PTPRB: variants seen among roughly 807,000 people sequenced by gnomAD.
PTPRB encodes the protein protein tyrosine phosphatase receptor type B.
Under a neutral mutation model 238.1 loss-of-function variants are expected in PTPRB, and 97 were observed. The ratio of observed to expected loss-of-function variants is 0.41; its 90% CI spans 0.35 to 0.48. PTPRB has a LOEUF of 0.48. Among genes scored for constraint, PTPRB ranks in the 20% least tolerant of loss-of-function variants. The pLI is 0.30. For missense variants in PTPRB, 2,292 were observed against 2,681.9 expected, an observed-to-expected ratio of 0.85 and a Z score of 3.21; for synonymous variants, 970 against 995.4, an observed-to-expected ratio of 0.97 and a Z score of 0.48.
At chr12:70,569,569 G>T in intron 14 of PTPRB, 106 bp downstream of exon 14, 3 of 1,340,442 alleles carry the variant, frequency 2.2e-6, no homozygotes, top group Non-Finnish European at 3.1e-6. Context: ...TACAAACTTT[G>T]GTGGTTTTAA....
chr12:70,521,842 G>C (rs1228050316), intron 33 of PTPRB, among the ~76,000 whole-genome samples: 1 of 152,114 alleles, frequency 6.6e-6, no homozygotes, highest in Non-Finnish European at 1.5e-5. Flanking sequence ...CAGCTACGTG[G>C]TGGTTATCCT....
Position 70,581,072 on chromosome 12 carries a change from T to C in PTPRB, c.2542A>G (p.Ile848Val). The C allele has an allele frequency of 6.2e-7, 1 of 1,614,006 alleles. No homozygotes were observed. Among genetic ancestry groups the C allele is most frequent in the Non-Finnish European group, 8.5e-7 (1 of 1,179,914 alleles). Residue 848 changes from isoleucine (I) to valine (V), a missense_variant, in exon 10 of 34, where the codon ATC becomes GTC. Ile to Val is a conservative substitution (Grantham distance 29, BLOSUM62 3). Around this residue, in one of 4 missense-constraint regions of PTPRB, gnomAD observed 1,205 missense variants for 1,287.8 expected, o/e 0.94. Transcript: ENST00000334414. ...SVVVTTVSGG[I>V]SSRQVVVEGR... ...TCCACAACCACTTGTCGGGAAGAGA[T>C]CCCTCCACTCACTGTTGTTACCACC...
In PTPRB at chr12:70,524,338, C is replaced by CTCTT. The variant is rs1872025114; in HGVS notation, c.6625+129_6625+132dup. On this transcript the variant is annotated intron_variant, in intron 33 of 33. Transcript: ENST00000334414. ...CTATGTTGCCCAGGCTGGTTTCAAACTCTTAGGCTCAAGTGATCCTCCTGC... is the reference window on the plus strand; with the variant it reads ...CTATGTTGCCCAGGCTGGTTTCAAACTCTTTCTTAGGCTCAAGTGATCCTCCTGC... The CTCTT allele has an allele frequency of 3.0e-6, 3 of 988,252 alleles. No homozygotes were observed. In the East Asian group the frequency reaches 9.0e-5, roughly 30 times the overall value. The allele number at this position is 988,252 out of a possible 1,614,324, so 61.2% of individuals were successfully genotyped here. A position where few individuals can be genotyped will look rare whatever the true frequency, so the allele number is the denominator to read the frequency against.
In PTPRB at chr12:70,541,101, T is replaced by C. The variant is rs911896130; in HGVS notation, c.5495-144A>G. On this transcript the variant is annotated intron_variant, in intron 22 of 33. Coordinates refer to ENST00000334414, the MANE Select transcript of PTPRB (RefSeq NM_001109754.4). ...GATGCCCACGATGAGGCATTTACTT[T>C]CCAAAGGCTCTGAGTATGCACCTAA... 56 of 685,608 alleles carry C rather than the reference T, an allele frequency of 8.2e-5. No homozygotes were observed. In the East Asian group the frequency reaches 1.4e-3, roughly 17 times the overall value. 42.5% of individuals were successfully genotyped at this position (685,608 alleles called of 1,614,324 possible). A position where few individuals can be genotyped will look rare whatever the true frequency, so the allele number is the denominator to read the frequency against.
At chr12:70,611,351 C>T (rs1429397316) in intron 3 of PTPRB, among the ~76,000 whole-genome samples, 2 of 152,134 alleles carry the variant, frequency 1.3e-5, no homozygotes, top group African/African-American at 2.4e-5. Flanking sequence ...TACAGTGGTG[C>T]GATTTCAGCT....
At chr12:70,550,051 G>T (rs1002677563) in intron 21 of PTPRB, among the ~76,000 whole-genome samples, 2 of 152,194 alleles carry the variant, frequency 1.3e-5, no homozygotes, top group Non-Finnish European at 1.5e-5. Flanking sequence ...AGTAAAGAGG[G>T]CAGGTAATTC....
rs1871446757 is a variant in PTPRB, at chr12:70,519,456, T to A, written c.*2033A>T. The A allele has an allele frequency of 6.6e-6, 1 of 152,192 alleles. No homozygotes were observed. Among genetic ancestry groups the A allele is most frequent in the Non-Finnish European group, 1.5e-5 (1 of 68,044 alleles). The allele number at this position is 152,192 out of a possible 1,614,324, so 9.4% of individuals were successfully genotyped here. ...ACAACAATCCTAACTTTATGAGGAT[T>A]CTCTTTATGTGAGTAGAAATGTGTA... is the stretch of plus-strand genomic sequence containing the variant. On this transcript the variant is annotated 3_prime_UTR_variant, in exon 34 of 34. Coordinates refer to ENST00000334414, the MANE Select transcript of PTPRB (RefSeq NM_001109754.4).
rs1882603039 is a variant in PTPRB, at chr12:70,592,615, C to T, written c.1517-70G>A. 2.0e-6 allele frequency: 3 copies of T among 1,501,440 alleles called. No individual in the cohort carries two copies. In the Admixed American group the frequency reaches 6.3e-5, roughly 31 times the overall value. 93.0% of individuals were successfully genotyped at this position (1,501,440 alleles called of 1,614,324 possible). On this transcript the variant is annotated intron_variant, in intron 6 of 33. Coordinates refer to ENST00000334414, the MANE Select transcript of PTPRB (RefSeq NM_001109754.4). ...CACAAGTCCTATGGCCAAATTTTGA[C>T]CTGTAATTTTATTTCTGCAAGCCAC...
In PTPRB at chr12:70,516,526, C is replaced by T. The variant is rs1227381995; in HGVS notation, c.*4963G>A. ...TACTAACCTGCAGATGGAATGCTGT[C>T]CAACTCTGCCACAAACTCTTAAAGC... On this transcript the variant is annotated 3_prime_UTR_variant, in exon 34 of 34. Transcript: ENST00000334414. 1 of 152,200 alleles carries T rather than the reference C, an allele frequency of 6.6e-6. No individual in the cohort carries two copies. The highest frequency in any genetic ancestry group is 1.5e-5 in the Non-Finnish European group (1 of 68,032). 9.4% of individuals were successfully genotyped at this position (152,200 alleles called of 1,614,324 possible).
chr12:70,557,489 G>A (rs1877872993), intron 18 of PTPRB, among the ~76,000 whole-genome samples: 1 of 152,120 alleles, frequency 6.6e-6, no homozygotes, highest in South Asian at 2.1e-4. Context: ...GTCCTCTTGG[G>A]CACTCCCCCT....
Position 70,570,830 on chromosome 12 carries a change from G to A in PTPRB, c.3370+196C>T, listed in dbSNP as rs1437201077. ...TTCTCTGAAAGCACCCTCCAACCCC[G>A]CCACTCTCTGCTGACATCATACTTT... On this transcript the variant is annotated intron_variant, in intron 13 of 33. Coordinates refer to ENST00000334414, the MANE Select transcript of PTPRB (RefSeq NM_001109754.4). The A allele has an allele frequency of 7.0e-5, 46 of 656,466 alleles. No individual in the cohort carries two copies. The East Asian group carries it at 1.2e-3, about 18-fold the overall frequency. The allele number at this position is 656,466 out of a possible 1,614,324, so 40.7% of individuals were successfully genotyped here. A position where few individuals can be genotyped will look rare whatever the true frequency, so the allele number is the denominator to read the frequency against.
At chr12:70,628,835 G>T (rs2136600417) in intron 2 of PTPRB, among the ~76,000 whole-genome samples, 1 of 152,154 alleles carries the variant, frequency 6.6e-6, no homozygotes, top group East Asian at 1.9e-4. Flanking sequence ...AGAGTGCTGG[G>T]GTTATAGGCA....
In PTPRB at chr12:70,524,552, G is replaced by A. The variant is rs1872063689; in HGVS notation, c.6544C>T (p.Leu2182Phe). 6.2e-7 allele frequency: 1 copy of A among 1,612,716 alleles called. No individual in the cohort carries two copies. Among genetic ancestry groups the A allele is most frequent in the African/African-American group, 1.3e-5 (1 of 74,872 alleles). ...TCACTCCGTAGCTTTCTTGCTCTGA[G>A]GACATCTCTTACACACTGATGTAGG... ...VYLHQCVRDV[L>F]RARKLRSEQE... The change falls in exon 33 of 34, where the codon CTC becomes TTC. Residue 2182 changes from leucine to phenylalanine, a missense_variant. Physicochemically the swap from Leu to Phe is conservative, Grantham distance 22 (BLOSUM62 0). Around this residue, in one of 4 missense-constraint regions of PTPRB, gnomAD observed 397 missense variants for 502.0 expected, o/e 0.79. Coordinates refer to ENST00000334414, the MANE Select transcript of PTPRB (RefSeq NM_001109754.4).
Position 70,538,226 on chromosome 12 carries a change from C to A in PTPRB, c.5875G>T (p.Ala1959Ser). Residue 1959 changes from alanine to serine, a missense_variant, in exon 28 of 34, where the codon GCC (alanine) becomes TCC (serine). Around this residue, in one of 4 missense-constraint regions of PTPRB, gnomAD observed 397 missense variants for 502.0 expected, o/e 0.79. Coordinates refer to ENST00000334414, the MANE Select transcript of PTPRB (RefSeq NM_001109754.4). ...NRYNNILPYDATRVKLSNVDD... is the reference protein window; with the variant it reads ...NRYNNILPYDSTRVKLSNVDD... ...ACATTGGAGAGCTTCACTCGCGTGG[C>A]ATCATCTGGAAGGAGAGATTTGCTG... The A allele has an allele frequency of 4.3e-6, 7 of 1,613,160 alleles. No individual in the cohort carries two copies. Among genetic ancestry groups the A allele is most frequent in the Non-Finnish European group, 5.9e-6 (7 of 1,179,530 alleles).
intron 11 of PTPRB, 29 bp downstream of exon 11, chr12:70,576,353 C>G (rs778935770): frequency 1.2e-6 from 2 of 1,602,602 alleles, no homozygotes; most frequent in South Asian, 1.1e-5. Flanking sequence ...TTGGTTCTTA[C>G]GGAGCCCTGA....
intron 21 of PTPRB, among the ~76,000 whole-genome samples, chr12:70,549,406 C>T (rs559148418): frequency 6.6e-6 from 1 of 152,316 alleles, no homozygotes; most frequent in African/African-American, 2.4e-5. Flanking sequence ...AACCTTCCAA[C>T]TCTCTCTCAC....
At chr12:70,609,899 C>G in intron 3 of PTPRB, 2 of 1,317,258 alleles carry the variant, frequency 1.5e-6, no homozygotes, top group South Asian at 1.7e-5. Flanking sequence ...TCACCTGTTG[C>G]GCGCGCTCAG....
chr12:70,585,437 A>T lies in PTPRB; in HGVS notation c.2311+1570T>A, dbSNP rs1306954500. The T allele has an allele frequency of 2.0e-5, 3 of 152,150 alleles. No individual in the cohort carries two copies. In the East Asian group the frequency reaches 5.8e-4, roughly 30 times the overall value. 9.4% of individuals were successfully genotyped at this position (152,150 alleles called of 1,614,324 possible). ...CACCCAAATCTCATCTTGAATTGTA[A>T]TCCCCATGTGTCCAAGGAGGGAGGT... On this transcript the variant is annotated intron_variant, in intron 9 of 33. Transcript: ENST00000334414.
At chr12:70,609,873 G>A in intron 3 of PTPRB, 1 of 1,523,778 alleles carries the variant, frequency 6.6e-7, no homozygotes, top group South Asian at 1.2e-5. Flanking sequence ...GACGGCCCGA[G>A]GGCCGGGGCA....
Sources: gnomAD v4.1 joint callset for allele counts (sites outside exome capture counted in the v4.1 genomes callset) on GRCh38, gnomAD v4.1.1 for gene constraint, gnomAD v4.1.1 regional missense constraint, MANE v1.5 for transcripts, NCBI Gene and HGNC (gene_info 2026-07-23, HGNC 2026-07-21) for gene names.